The following PRIM2 variants were observed in gnomAD, a reference collection of about 807,000 sequenced individuals.
PRIM2 encodes DNA primase subunit 2.
Under a neutral mutation model 67.3 loss-of-function variants are expected in PRIM2, and 39 were observed. That is an observed-to-expected ratio of 0.58 (90% CI 0.45 to 0.76). The LOEUF is 0.76. Among genes scored for constraint, PRIM2 ranks in the 30% least tolerant of loss-of-function variants. The pLI is 0.00. For synonymous variants in PRIM2, 143 were observed against 198.7 expected, an observed-to-expected ratio of 0.72 and a Z score of 2.36; for missense variants, 398 against 598.7, an observed-to-expected ratio of 0.66 and a Z score of 3.50.
chr6:57,339,041 A>G (rs552166285), intron 5 of PRIM2, among the ~76,000 whole-genome samples: 449 of 152,264 alleles, frequency 2.9e-3, no homozygotes, highest in African/African-American at 9.1e-3. Context: ...AAAAATCACA[A>G]GCATTCTTAT....
chr6:57,308,905 C>T, the PRIM2 span, among the ~76,000 whole-genome samples: 7 of 150,736 alleles, frequency 4.6e-5, no homozygotes. Context: ...TTCTGAGATA[C>T]ATGTGCAGAA....
chr6:57,480,408 T>TA (rs1250445082), intron 7 of PRIM2, among the ~76,000 whole-genome samples: 51,332 of 151,702 alleles, frequency 0.34, 8,692 homozygotes, highest in East Asian at 0.44. Flanking sequence ...TTAGGTATAA[T>TA]AAAAAAAACT....
chr6:57,642,466 G>A (rs1777259348), intron 13 of PRIM2, among the ~76,000 whole-genome samples: 2 of 77,244 alleles, frequency 2.6e-5, no homozygotes, highest in Admixed American at 1.8e-4. Flanking sequence ...TTTTTGAGAC[G>A]GAGTTTCGCT....
At chr6:57,603,542 G>A (rs1435854678) in intron 11 of PRIM2, among the ~76,000 whole-genome samples, 104 of 152,064 alleles carry the variant, frequency 6.8e-4, no homozygotes, top group African/African-American at 2.5e-3. Context: ...TAGTCTATGT[G>A]TCGGTTTTTG....
At chr6:57,381,546 G>A (rs1405734743) in intron 6 of PRIM2, among the ~76,000 whole-genome samples, 1 of 150,618 alleles carries the variant, frequency 6.6e-6, no homozygotes. Flanking sequence ...TTAGTACTGA[G>A]ATTAGCTTTT....
At chr6:57,555,634 G>A (rs1481782300) in intron 10 of PRIM2, among the ~76,000 whole-genome samples, 34 of 152,200 alleles carry the variant, frequency 2.2e-4, no homozygotes, top group African/African-American at 8.2e-4. Context: ...ATAAAAATAG[G>A]TATAATTACC....
chr6:57,235,222 G>A, the PRIM2 span, among the ~76,000 whole-genome samples: 1 of 151,886 alleles, frequency 6.6e-6, no homozygotes, highest in East Asian at 1.9e-4. Context: ...CCGCACTTTC[G>A]GAGGCCAAGG....
chr6:57,382,463 T>C, intron 7 of PRIM2: 1 of 232,192 alleles, frequency 4.3e-6, no homozygotes, highest in Non-Finnish European at 8.4e-6. Context: ...TCCTTAGAAA[T>C]AGACTTCGTA....
chr6:57,501,715 G>A (rs1774136103), intron 7 of PRIM2, among the ~76,000 whole-genome samples: 1 of 152,130 alleles, frequency 6.6e-6, no homozygotes, highest in South Asian at 2.1e-4. Context: ...TATTTATTTA[G>A]CAATAATATC....
intron 7 of PRIM2, chr6:57,493,921 G>A (rs1377083260): frequency 2.6e-5 from 4 of 152,094 alleles, no homozygotes; most frequent in African/African-American, 7.2e-5. Context: ...TCCTTTGCTT[G>A]TCTGGTTATC....
At position 57,572,590 on chromosome 6, in the gene PRIM2, T is replaced by G. The variant is rs1391137365; in HGVS notation, c.1021-28503T>G. ...CATTATACATTTATATGCAATTTTG[T>G]GTGCATACCTGTGGAATTTATAGTT... is the stretch of plus-strand genomic sequence containing the variant. On this transcript the variant is annotated intron_variant, in intron 10 of 13. Transcript: ENST00000615550. 4.6e-5 allele frequency among the ~76,000 whole-genome samples: 7 copies of G among 152,322 alleles called. No homozygotes were observed. In the East Asian group the frequency reaches 1.3e-3, roughly 29 times the overall value.
rs1362910725 is a variant in PRIM2, at chr6:57,419,984, G to A, written c.693+37816G>A. 1.5e-3 allele frequency among the ~76,000 whole-genome samples: 233 copies of A among 152,218 alleles called. 2 individuals carry two copies. Among genetic ancestry groups the A allele is most frequent in the Non-Finnish European group, 2.5e-3 (170 of 68,006 alleles). On this transcript the variant is annotated intron_variant, in intron 7 of 13. Transcript: ENST00000615550. ...GAACTGAGGAAACAGAATCTTCATC[G>A]AGCTTTTGTGTTTGGTGGTGGCAGT... is the stretch of plus-strand genomic sequence containing the variant.
chr6:57,440,904 T>G (rs1772182761), intron 7 of PRIM2, among the ~76,000 whole-genome samples: 1 of 152,162 alleles, frequency 6.6e-6, no homozygotes, highest in Non-Finnish European at 1.5e-5. Flanking sequence ...AATGCCCTGG[T>G]GCAAAATAAG....
chr6:57,644,397 G>A (rs1436733787), intron 13 of PRIM2, among the ~76,000 whole-genome samples: 7 of 152,144 alleles, frequency 4.6e-5, no homozygotes, highest in South Asian at 2.1e-4. Flanking sequence ...CTCCTCAGCC[G>A]AAATTTCTCT....
intron 5 of PRIM2, among the ~76,000 whole-genome samples, chr6:57,343,249 A>G (rs1768554352): frequency 6.6e-6 from 1 of 152,140 alleles, no homozygotes; most frequent in Non-Finnish European, 1.5e-5. Context: ...GTTTATTGGT[A>G]TAGTTTGGGT....
chr6:57,623,348 G>A (rs1440903145), intron 12 of PRIM2, among the ~76,000 whole-genome samples: 6 of 152,100 alleles, frequency 3.9e-5, no homozygotes, highest in African/African-American at 9.6e-5. Flanking sequence ...TGTTCAAGGT[G>A]GTTCAAAGAA....
chr6:57,537,855 T>C (rs1775031618), intron 10 of PRIM2, among the ~76,000 whole-genome samples: 2 of 152,212 alleles, frequency 1.3e-5, no homozygotes, highest in African/African-American at 4.8e-5. Context: ...GTAGTAATTA[T>C]AAGACTGAAA....
intron 10 of PRIM2, among the ~76,000 whole-genome samples, chr6:57,590,233 G>A (rs1776262001): frequency 6.6e-6 from 1 of 152,174 alleles, no homozygotes; most frequent in Non-Finnish European, 1.5e-5. Context: ...TGAAGACAAA[G>A]TCTTGGTGTG....
rs558224198 is a variant in PRIM2, at chr6:57,318,425, C to T, written c.-9-12C>T. On this transcript the variant is annotated splice_polypyrimidine_tract_variant and intron_variant, in intron 1 of 13. Coordinates refer to ENST00000615550, the MANE Select transcript of PRIM2 (RefSeq NM_000947.5). ...TCCATCATTTTACGCTTTTTGTGTA[C>T]TTCCTTCTAAGGTGACCAAGATGGA... 920 of 1,575,410 alleles carry T rather than the reference C, an allele frequency of 5.8e-4. 12 individuals are homozygous for T. The South Asian group carries it at 0.01, about 18-fold the overall frequency.
Sources: gnomAD v4.1 joint callset for allele counts (sites outside exome capture counted in the v4.1 genomes callset) on GRCh38, gnomAD v4.1.1 for gene constraint, MANE v1.5 for transcripts, NCBI Gene and HGNC (gene_info 2026-07-23, HGNC 2026-07-21) for gene names.